The following CDH20 variants were observed in gnomAD, a reference collection of about 807,000 sequenced individuals.
The protein encoded by CDH20 is cadherin 20.
Under a neutral mutation model 74.2 loss-of-function variants are expected in CDH20, and 29 were observed. The observed-to-expected ratio is 0.39, with a 90% CI of 0.29 to 0.53. CDH20 has a LOEUF of 0.53. Ranked by LOEUF, CDH20 falls within the 20% of genes least tolerant of loss-of-function variation. The probability of loss-of-function intolerance (pLI) is 0.69; values close to 1 mark genes in which losing one functional copy is unlikely to be tolerated. For synonymous variants in CDH20, 469 were observed against 405.4 expected (o/e 1.16, Z -1.88); for missense variants, 988 against 1,048.3 (o/e 0.94, Z 0.79).
At chr18:61,480,047 T>C (rs190247450) in intron 1 of CDH20, among the ~76,000 whole-genome samples, 6 of 152,210 alleles carry the variant, frequency 3.9e-5, no homozygotes, top group Non-Finnish European at 7.4e-5. Flanking sequence ...TAAAAGGAAA[T>C]GTGAATATAG....
intron 1 of CDH20, among the ~76,000 whole-genome samples, chr18:61,372,759 A>G (rs1568114950): frequency 6.6e-6 from 1 of 152,124 alleles, no homozygotes; most frequent in Non-Finnish European, 1.5e-5. Context: ...CTGTAACTGC[A>G]GAGTTGAGTA....
At chr18:61,414,126 T>C (rs914263808) in intron 1 of CDH20, among the ~76,000 whole-genome samples, 17 of 152,160 alleles carry the variant, frequency 1.1e-4, no homozygotes, top group Non-Finnish European at 1.8e-4. Flanking sequence ...CATCGTATTT[T>C]AGAAACTAAA....
chr18:61,513,464 CTG>C (rs1911860028), intron 6 of CDH20, among the ~76,000 whole-genome samples: 1 of 113,606 alleles, frequency 8.8e-6, no homozygotes, highest in African/African-American at 3.4e-5. Flanking sequence ...ATTTGCCAGT[CTG>C]TGTCTTTTAA....
intron 6 of CDH20, among the ~76,000 whole-genome samples, chr18:61,525,995 C>CGATGT (rs1016047088): frequency 1.1e-5 from 1 of 92,360 alleles, no homozygotes; most frequent in African/African-American, 4.5e-5. Flanking sequence ...TTTTTGGTAG[C>CGATGT]GATGTAGGTC....
intron 1 of CDH20, among the ~76,000 whole-genome samples, chr18:61,391,995 A>C (rs1281160802): frequency 6.6e-6 from 1 of 151,800 alleles, no homozygotes; most frequent in Non-Finnish European, 1.5e-5. Flanking sequence ...GATCTTCCAC[A>C]CTGCAGCTGT....
At chr18:61,369,729 C>A (rs774212278) in intron 1 of CDH20, among the ~76,000 whole-genome samples, 6 of 151,974 alleles carry the variant, frequency 3.9e-5, no homozygotes, top group Non-Finnish European at 5.9e-5. Flanking sequence ...AAATACTATG[C>A]CATAAAAAAG....
chr18:61,529,395 A>G (rs1202236262), intron 7 of CDH20, among the ~76,000 whole-genome samples: 1 of 152,218 alleles, frequency 6.6e-6, no homozygotes. Context: ...TAACCATACT[A>G]GGGGCAAATT....
intron 1 of CDH20, among the ~76,000 whole-genome samples, chr18:61,463,138 C>T (rs1909843366): frequency 1.3e-5 from 2 of 152,100 alleles, no homozygotes; most frequent in Non-Finnish European, 2.9e-5. Flanking sequence ...ATTTCAAGGG[C>T]CCTTTCTGTT....
At position 61,490,531 on chromosome 18, in the gene CDH20, T is replaced by C. The variant is rs680530; in HGVS notation, c.-23T>C. The C allele has an allele frequency of 1, 1,604,820 of 1,607,716 alleles. 800,997 individuals carry two copies. The highest frequency in any genetic ancestry group is 1 in the East Asian group (44,716 of 44,716). ...TCCAGTTGCTTATCATTCTCCTTCA[T>C]TTTCTGAAAACCTGGCAATCCCATG... On this transcript the variant is annotated 5_prime_UTR_variant, in exon 2 of 12. Transcript: ENST00000262717.
At chr18:61,454,570 C>CA (rs1463174211) in intron 1 of CDH20, among the ~76,000 whole-genome samples, 2 of 152,112 alleles carry the variant, frequency 1.3e-5, no homozygotes, top group Non-Finnish European at 2.9e-5. Context: ...AGTCCCTTGC[C>CA]AAAAAAGATA....
intron 8 of CDH20, 140 bp from the exon 9 acceptor site, chr18:61,538,884 G>A (rs1251345989): frequency 1.2e-5 from 10 of 809,016 alleles, no homozygotes; most frequent in Admixed American, 2.5e-5. Context: ...CTCCCGCCTC[G>A]GCCTCCCAAA....
chr18:61,372,142 G>A (rs1344717791), intron 1 of CDH20, among the ~76,000 whole-genome samples: 1 of 151,970 alleles, frequency 6.6e-6, no homozygotes, highest in African/African-American at 2.4e-5. Flanking sequence ...TATTTTTAAA[G>A]TTTTATGCAT....
chr18:61,550,955 C>T (rs1371488759), intron 11 of CDH20, among the ~76,000 whole-genome samples: 1 of 152,192 alleles, frequency 6.6e-6, no homozygotes, highest in African/African-American at 2.4e-5. Flanking sequence ...GTGATTAGTA[C>T]ACCTCCTAGG....
intron 11 of CDH20, among the ~76,000 whole-genome samples, chr18:61,553,971 A>T (rs1004742195): frequency 6.6e-6 from 1 of 152,184 alleles, no homozygotes; most frequent in Non-Finnish European, 1.5e-5. Flanking sequence ...AAACCATTTG[A>T]AGAAATACAG....
At chr18:61,452,240 G>T (rs1051078227) in intron 1 of CDH20, among the ~76,000 whole-genome samples, 9 of 150,554 alleles carry the variant, frequency 6.0e-5, no homozygotes. Context: ...TGATATTTTT[G>T]TTTTTTATGT....
At position 61,410,198 on chromosome 18, in the gene CDH20, T is replaced by A. The variant is rs547302227; in HGVS notation, c.-153+76371T>A. On this transcript the variant is annotated intron_variant, in intron 1 of 11. Transcript: ENST00000262717. ...TCTCCTTAGTTCAAGCATGAGCCAT[T>A]TCTAAAACACACAGGTCTCCTAACA... Among the ~76,000 whole-genome samples, 3 of 152,230 alleles carry A rather than the reference T, an allele frequency of 2.0e-5. No homozygotes were observed. In the South Asian group the frequency reaches 6.2e-4, roughly 32 times the overall value.
chr18:61,541,839 G>C (rs1913051290), intron 9 of CDH20, among the ~76,000 whole-genome samples: 1 of 152,148 alleles, frequency 6.6e-6, no homozygotes, highest in Admixed American at 6.5e-5. Context: ...AACATACTTG[G>C]TGATGGACAA....
chr18:61,555,521 G>T lies in CDH20; in HGVS notation c.*826G>T, dbSNP rs1191784092. 1 of 985,380 alleles carries T rather than the reference G, an allele frequency of 1.0e-6. No homozygotes were observed. Among genetic ancestry groups the T allele is most frequent in the Non-Finnish European group, 1.2e-6 (1 of 829,926 alleles). 61.0% of individuals were successfully genotyped at this position (985,380 alleles called of 1,614,324 possible). On this transcript the variant is annotated 3_prime_UTR_variant, in exon 12 of 12. Coordinates refer to ENST00000262717, the MANE Select transcript of CDH20 (RefSeq NM_031891.4). ...AATGTGGAGATTAGATGCTACAAAT[G>T]AAAGCCAAATAAAAAAGAAGTATCT... is the stretch of plus-strand genomic sequence containing the variant.
intron 1 of CDH20, among the ~76,000 whole-genome samples, chr18:61,342,632 C>A (rs1909989100): frequency 1.3e-5 from 2 of 152,222 alleles, no homozygotes; most frequent in African/African-American, 4.8e-5. Context: ...CCACTTGGGA[C>A]AACACAAAAT....
Sources: allele counts gnomAD v4.1 joint callset (sites outside exome capture counted in the v4.1 genomes callset), GRCh38; gene constraint gnomAD v4.1.1; transcripts MANE v1.5; gene names NCBI Gene and HGNC (gene_info 2026-07-23, HGNC 2026-07-21).